INTS2: variants seen among roughly 807,000 people sequenced by gnomAD.
INTS2 encodes the protein integrator complex subunit 2.
In INTS2, 57 loss-of-function variants were observed where a neutral mutation model predicts 139.6. The observed-to-expected ratio is 0.41, with a 90% CI of 0.33 to 0.51. The LOEUF is 0.51. Ranked by LOEUF, INTS2 falls within the 20% of genes least tolerant of loss-of-function variation. The pLI, the probability that INTS2 is intolerant of heterozygous loss-of-function variation, is 0.28. For synonymous variants in INTS2, 473 were observed against 493.4 expected (o/e 0.96, Z 0.55); for missense variants, 1,196 against 1,436.7 (o/e 0.83, Z 2.71).
At position 61,869,347 on chromosome 17, in the gene INTS2, C is replaced by G; in HGVS notation, c.3064G>C (p.Ala1022Pro). ...YPCELLPLTV[A>P]GIPSMHICLD... ...CAGATGTGCATAGATGGAATACCTGCGACCGTCAGAGGCAAAAGTTCACAT... is the reference window on the plus strand; with the variant it reads ...CAGATGTGCATAGATGGAATACCTGGGACCGTCAGAGGCAAAAGTTCACAT... Residue 1022 changes from alanine (A) to proline (P), a missense_variant, in exon 22 of 25, where the codon GCA becomes CCA. Physicochemically the swap from Ala to Pro is conservative, Grantham distance 27. This residue lies in a region of INTS2 where 1,129 missense variants were observed against 1,341.9 expected (regional missense o/e 0.84). Coordinates refer to ENST00000251334, the MANE Select transcript of INTS2 (RefSeq NM_001351695.2). This position sits in a 1 kb window ranked among gnomAD's most constrained non-coding sequence, Gnocchi z 5.4. The G allele has an allele frequency of 6.2e-7, 1 of 1,606,306 alleles. No individual in the cohort carries two copies. The highest frequency in any genetic ancestry group is 8.5e-7 in the Non-Finnish European group (1 of 1,176,058).
At chr17:61,892,161 G>A (rs913767800) in intron 13 of INTS2, among the ~76,000 whole-genome samples, 1 of 152,088 alleles carries the variant, frequency 6.6e-6, no homozygotes, top group Non-Finnish European at 1.5e-5. Flanking sequence ...TGTTGGGGGT[G>A]CATGTGAACT....
Position 61,911,533 on chromosome 17 carries a change from C to T in INTS2, c.941G>A (p.Arg314Gln), listed in dbSNP as rs1359021788. The T allele has an allele frequency of 5.0e-6, 8 of 1,613,882 alleles. No individual in the cohort carries two copies. The highest frequency in any genetic ancestry group is 5.9e-6 in the Non-Finnish European group (7 of 1,179,836). The change falls in exon 7 of 25, where the codon CGA becomes CAA. Residue 314 changes from arginine to glutamine, a missense_variant. Physicochemically the swap from Arg to Gln is conservative, Grantham distance 43. This residue lies in a region of INTS2 where 1,129 missense variants were observed against 1,341.9 expected (regional missense o/e 0.84). Coordinates refer to ENST00000251334, the MANE Select transcript of INTS2 (RefSeq NM_001351695.2). Reference sequence around the variant, plus strand: ...TTTAACCCTCACCTGCTGTCCATTTCGGATAAAAGTTCCAAACCAAGTCCG... The same window carrying T: ...TTTAACCCTCACCTGCTGTCCATTTTGGATAAAAGTTCCAAACCAAGTCCG... ...KVRTWFGTFI[R>Q]NGQQRKRETS...
Position 61,900,851 on chromosome 17 carries a change from G to A in INTS2, c.1308-3112C>T, listed in dbSNP as rs114387302. Among the ~76,000 whole-genome samples the A allele has an allele frequency of 5.1e-3, 780 of 152,162 alleles. 5 individuals are homozygous for A. Among genetic ancestry groups the A allele is most frequent in the African/African-American group, 0.018 (733 of 41,510 alleles). On this transcript the variant is annotated intron_variant, in intron 9 of 24. Transcript: ENST00000251334. ...CACATGCCTATAATCCCAGCTACTC[G>A]GGAGGCTAACACAGGACAATCACTT...
chr17:61,888,091 G>T (rs2079247743), intron 15 of INTS2, among the ~76,000 whole-genome samples: 1 of 148,126 alleles, frequency 6.8e-6, no homozygotes, highest in Non-Finnish European at 1.5e-5. Flanking sequence ...ACACACAAAG[G>T]TCAGGAGGAT....
chr17:61,873,762 T>C lies in INTS2; in HGVS notation c.2582+1151A>G, dbSNP rs1360544335. Among the ~76,000 whole-genome samples, 1 of 152,202 alleles carries C rather than the reference T, an allele frequency of 6.6e-6. No homozygotes were observed. The highest frequency in any genetic ancestry group is 2.4e-5 in the African/African-American group (1 of 41,458). On this transcript the variant is annotated intron_variant, in intron 19 of 24. Transcript: ENST00000251334. This position sits in a 1 kb window ranked among gnomAD's most constrained non-coding sequence, Gnocchi z 4.0. ...GGTTGATGACAGACAAGTTTAAATA[T>C]CAAGTGTGTCCTATTTAGTCTTCCT...
At position 61,927,792 on chromosome 17, in the gene INTS2, G is replaced by A; in HGVS notation, c.-157C>T. On this transcript the variant is annotated 5_prime_UTR_variant, in exon 1 of 25. Transcript: ENST00000251334. ...ACCCCAAACCCTAGTTGTGCCTCGA[G>A]TCGACTCGGACACCAAGAACTCAGA... is the stretch of plus-strand genomic sequence containing the variant. 1 of 1,600,406 alleles carries A rather than the reference G, an allele frequency of 6.2e-7. No homozygotes were observed. The highest frequency in any genetic ancestry group is 1.7e-4 in the Middle Eastern group (1 of 5,964).
intron 3 of INTS2, among the ~76,000 whole-genome samples, chr17:61,922,276 G>C (rs569727124): frequency 2.0e-5 from 3 of 151,836 alleles, no homozygotes; most frequent in Non-Finnish European, 4.4e-5. Flanking sequence ...TTCGAGACCA[G>C]CCTGGCCAAC....
At chr17:61,895,053 A>T (rs2079333239) in intron 12 of INTS2, among the ~76,000 whole-genome samples, 2 of 152,214 alleles carry the variant, frequency 1.3e-5, no homozygotes, top group African/African-American at 4.8e-5. Flanking sequence ...TACCAGCAAC[A>T]TCTAAGAGTA....
intron 11 of INTS2, among the ~76,000 whole-genome samples, chr17:61,896,139 C>G (rs1391895657): frequency 2.0e-5 from 3 of 149,330 alleles, no homozygotes; most frequent in Non-Finnish European, 4.4e-5. Context: ...GCTGGGGAGG[C>G]TGAGGCAGGA....
intron 4 of INTS2, among the ~76,000 whole-genome samples, chr17:61,920,180 C>CTTTTTTTT (rs772038233): frequency 8.4e-6 from 1 of 119,158 alleles, no homozygotes; most frequent in East Asian, 2.5e-4. Context: ...ATCTTATTTG[C>CTTTTTTTT]TTTTTTTTTT....
At chr17:61,907,932 A>G (rs1471628269) in intron 7 of INTS2, among the ~76,000 whole-genome samples, 1 of 152,210 alleles carries the variant, frequency 6.6e-6, no homozygotes, top group South Asian at 2.1e-4. Context: ...TAACAAAGTG[A>G]TATGTGGTAT....
intron 3 of INTS2, among the ~76,000 whole-genome samples, chr17:61,924,029 A>G (rs2079681510): frequency 6.6e-6 from 1 of 152,194 alleles, no homozygotes; most frequent in Admixed American, 6.5e-5. Flanking sequence ...ATATTACCCA[A>G]AGGTCTATGA....
intron 9 of INTS2, among the ~76,000 whole-genome samples, chr17:61,898,076 ATATT>A (rs1343962376): frequency 1.3e-5 from 2 of 152,316 alleles, no homozygotes; most frequent in East Asian, 1.9e-4. Flanking sequence ...ACAACAGCTG[ATATT>A]TATTTCATAT....
intron 5 of INTS2, among the ~76,000 whole-genome samples, chr17:61,918,922 G>GT (rs2079609820): frequency 6.7e-6 from 1 of 148,608 alleles, no homozygotes; most frequent in Non-Finnish European, 1.5e-5. Flanking sequence ...AGTTCCTTGG[G>GT]GTTTTTTTTT....
rs1299766811 is a variant in INTS2, at chr17:61,870,921, A to G, written c.2779-933T>C. 6.6e-6 allele frequency among the ~76,000 whole-genome samples: 1 copy of G among 152,150 alleles called. No homozygotes were observed. Among genetic ancestry groups the G allele is most frequent in the African/African-American group, 2.4e-5 (1 of 41,436 alleles). On this transcript the variant is annotated intron_variant, in intron 20 of 24. Transcript: ENST00000251334. This position sits in a 1 kb window ranked among gnomAD's most constrained non-coding sequence, Gnocchi z 4.4. ...AAGTCACTTAACTTCTCTGGGTCAC[A>G]TTTTCCTACTCTGTAAAAATGGAGA...
intron 3 of INTS2, 43 bp downstream of exon 3, chr17:61,924,917 CA>C: frequency 6.3e-7 from 1 of 1,584,066 alleles, no homozygotes; most frequent in Non-Finnish European, 8.6e-7. Flanking sequence ...TATACATAGA[CA>C]TCAAATCATG....
At chr17:61,923,722 T>C (rs1422125047) in intron 3 of INTS2, among the ~76,000 whole-genome samples, 3 of 152,056 alleles carry the variant, frequency 2.0e-5, no homozygotes, top group Non-Finnish European at 4.4e-5. Flanking sequence ...TCTTGTTGCC[T>C]AGGCTGGAGT....
intron 17 of INTS2, 111 bp from the exon 18 acceptor site, chr17:61,878,199 T>C: frequency 1.5e-6 from 1 of 667,566 alleles, no homozygotes; most frequent in Non-Finnish European, 2.6e-6. Flanking sequence ...ACAATGTGGC[T>C]AAAAAGTAAC....
chr17:61,908,875 A>G (rs1312292101), intron 7 of INTS2, among the ~76,000 whole-genome samples: 1 of 147,648 alleles, frequency 6.8e-6, no homozygotes, highest in African/African-American at 2.4e-5. Flanking sequence ...ACTATGATTC[A>G]GTAGCTTAAA....
Sources: gnomAD v4.1 joint callset for allele counts (sites outside exome capture counted in the v4.1 genomes callset) on GRCh38, gnomAD v4.1.1 for gene constraint, gnomAD v4.1.1 regional missense constraint, Gnocchi (gnomAD v3.1) non-coding constraint, MANE v1.5 for transcripts, NCBI Gene and HGNC (gene_info 2026-07-23, HGNC 2026-07-21) for gene names.